FAM13B: variants seen among roughly 807,000 people sequenced by gnomAD.
The protein encoded by FAM13B is protein FAM13B.
FAM13B carries 60 observed loss-of-function variants against 117.3 expected under a neutral mutation model. The observed-to-expected ratio is 0.51, with a 90% CI of 0.42 to 0.63. The LOEUF (loss-of-function observed/expected upper bound fraction) is 0.63. Among genes scored for constraint, FAM13B ranks in the 30% least tolerant of loss-of-function variants. The probability of loss-of-function intolerance (pLI) is 0.00; values close to 1 mark genes in which losing one functional copy is unlikely to be tolerated. For synonymous variants in FAM13B, 332 were observed against 356.1 expected, an observed-to-expected ratio of 0.93 and a Z score of 0.76; for missense variants, 972 against 1,091.9, an observed-to-expected ratio of 0.89 and a Z score of 1.55.
At chr5:137,956,423 A>G in intron 14 of FAM13B, 54 bp downstream of exon 14, 1 of 1,265,572 alleles carries the variant, frequency 7.9e-7, no homozygotes, top group Non-Finnish European at 1.1e-6. Flanking sequence ...TAAAAAGACA[A>G]ACAAAGTGAA....
chr5:137,963,227 T>G (rs1288942100), intron 10 of FAM13B, among the ~76,000 whole-genome samples: 4 of 152,242 alleles, frequency 2.6e-5, no homozygotes, highest in Non-Finnish European at 5.9e-5. Context: ...TACACATCTG[T>G]GAGGCTGTCT....
In FAM13B at chr5:137,947,538, T is replaced by C. The variant is rs1036353892; in HGVS notation, c.2161-1227A>G. Among the ~76,000 whole-genome samples, 6 of 152,180 alleles carry C rather than the reference T, an allele frequency of 3.9e-5. No homozygotes were observed. In the South Asian group the frequency reaches 8.3e-4, roughly 21 times the overall value. ...GAGTTTGAGCCCAGCCTGGGCAACA[T>C]AGTGAGACACGATTTCTACCAAAAC... On this transcript the variant is annotated intron_variant, in intron 18 of 23. Coordinates refer to ENST00000689681, the MANE Select transcript of FAM13B (RefSeq NM_001385994.1).
chr5:137,991,003 C>G (rs1164421058), intron 7 of FAM13B, among the ~76,000 whole-genome samples: 1 of 151,968 alleles, frequency 6.6e-6, no homozygotes, highest in African/African-American at 2.4e-5. Context: ...GAGACTCTAT[C>G]AAAAAGGGTT....
intron 4 of FAM13B, among the ~76,000 whole-genome samples, chr5:138,013,515 A>AC (rs199935201): frequency 0.015 from 2,258 of 151,758 alleles, 37 homozygotes; most frequent in Non-Finnish European, 0.022. Context: ...AAAAAAAAAA[A>AC]AATTTTAAGT....
At chr5:138,041,864 G>T (rs1415233282) in intron 1 of FAM13B, among the ~76,000 whole-genome samples, 3 of 151,690 alleles carry the variant, frequency 2.0e-5, no homozygotes, top group African/African-American at 7.3e-5. Context: ...CCGCACTCCA[G>T]CCTGGGTGGC....
At chr5:138,049,133 G>T (rs992181606) in intron 1 of FAM13B, among the ~76,000 whole-genome samples, 3 of 152,016 alleles carry the variant, frequency 2.0e-5, no homozygotes, top group African/African-American at 7.2e-5. Flanking sequence ...GTAGAGACGG[G>T]ATTTTACCAC....
chr5:137,987,696 T>G (rs1368792568), intron 8 of FAM13B, 80 bp from the exon 9 acceptor site: 1 of 1,370,456 alleles, frequency 7.3e-7, no homozygotes, highest in African/African-American at 1.5e-5. Flanking sequence ...CTAAAACCTA[T>G]GACCAGTAAA....
intron 8 of FAM13B, 81 bp from the exon 9 acceptor site, chr5:137,987,697 G>A: frequency 2.9e-6 from 4 of 1,356,466 alleles, no homozygotes; most frequent in Non-Finnish European, 4.0e-6. Context: ...TAAAACCTAT[G>A]ACCAGTAAAA....
At chr5:137,946,046 G>T in intron 19 of FAM13B, 49 bp from the exon 20 acceptor site, 1 of 1,472,184 alleles carries the variant, frequency 6.8e-7, no homozygotes, top group South Asian at 1.2e-5. Context: ...AATCTAAAAT[G>T]TCCAAAACAT....
chr5:137,953,550 A>T, intron 15 of FAM13B, 85 bp from the exon 16 acceptor site: 1 of 1,369,192 alleles, frequency 7.3e-7, no homozygotes, highest in Non-Finnish European at 1.0e-6. Flanking sequence ...CACTATTAGC[A>T]ATAAGTAAAT....
chr5:137,971,646 C>A (rs187823418), intron 10 of FAM13B, among the ~76,000 whole-genome samples: 1 of 151,842 alleles, frequency 6.6e-6, no homozygotes, highest in Admixed American at 6.6e-5. Flanking sequence ...ATACAAAAAA[C>A]CCTTCAAAAA....
At chr5:137,957,540 CAA>C (rs35104775) in intron 13 of FAM13B, among the ~76,000 whole-genome samples, 183 of 55,402 alleles carry the variant, frequency 3.3e-3, no homozygotes, top group African/African-American at 0.01. Flanking sequence ...AACTCCGTCT[CAA>C]AAAAAAAAAA....
intron 1 of FAM13B, among the ~76,000 whole-genome samples, chr5:138,038,966 A>G (rs991821672): frequency 6.6e-6 from 1 of 152,180 alleles, no homozygotes; most frequent in African/African-American, 2.4e-5. Flanking sequence ...TTCAGCTTCT[A>G]TATTCACTCA....
At chr5:137,951,200 T>G (rs1764864118) in intron 17 of FAM13B, among the ~76,000 whole-genome samples, 1 of 101,812 alleles carries the variant, frequency 9.8e-6, no homozygotes, top group African/African-American at 4.0e-5. Flanking sequence ...AGTAAAACCC[T>G]GTCTCAAACA....
intron 16 of FAM13B, 142 bp downstream of exon 16, chr5:137,953,194 T>C: frequency 8.0e-6 from 7 of 875,750 alleles, no homozygotes; most frequent in Non-Finnish European, 1.2e-5. Flanking sequence ...TTATATAATC[T>C]CAGATCTACA....
rs932454171 is a variant in FAM13B, at chr5:138,045,151, A to C, written c.-203+6727T>G. ...AGAATATAGGTATAAAAATGTTCACATCTGCATTAATTCTAATAGTCCAAA... is the reference window on the plus strand; with the variant it reads ...AGAATATAGGTATAAAAATGTTCACCTCTGCATTAATTCTAATAGTCCAAA... On this transcript the variant is annotated intron_variant, in intron 1 of 3. Transcript: ENST00000502471. Among the ~76,000 whole-genome samples, 3 of 152,236 alleles carry C rather than the reference A, an allele frequency of 2.0e-5. 1 individual carries two copies. The highest frequency in any genetic ancestry group is 4.4e-5 in the Non-Finnish European group (3 of 68,050).
At chr5:138,026,112 T>C (rs895171425) in intron 1 of FAM13B, among the ~76,000 whole-genome samples, 1 of 152,178 alleles carries the variant, frequency 6.6e-6, no homozygotes, top group Non-Finnish European at 1.5e-5. Flanking sequence ...ACTTTAACTA[T>C]ATCAACTCAT....
intron 1 of FAM13B, among the ~76,000 whole-genome samples, chr5:138,028,998 G>A (rs1232517036): frequency 6.6e-6 from 1 of 151,984 alleles, no homozygotes; most frequent in Non-Finnish European, 1.5e-5. Flanking sequence ...CCAGCCAGGG[G>A]GACAAGAACG....
chr5:137,998,184 T>TA (rs1780315541), intron 7 of FAM13B, among the ~76,000 whole-genome samples: 2 of 152,234 alleles, frequency 1.3e-5, no homozygotes, highest in South Asian at 4.1e-4. Flanking sequence ...AATGCTCAAA[T>TA]AAACTTAAAA....
Sources: allele counts gnomAD v4.1 joint callset (sites outside exome capture counted in the v4.1 genomes callset), GRCh38; gene constraint gnomAD v4.1.1; transcripts MANE v1.5; gene names NCBI Gene and HGNC (gene_info 2026-07-23, HGNC 2026-07-21).